The following MAN1A2 variants were observed in gnomAD, a reference collection of about 807,000 sequenced individuals.
The protein encoded by MAN1A2 is mannosidase alpha class 1A member 2, also known as mannosyl-oligosaccharide 1,2-alpha-mannosidase IB.
In MAN1A2, 26 loss-of-function variants were observed where a neutral mutation model predicts 75.7. That is an observed-to-expected ratio of 0.34 (90% confidence interval 0.25 to 0.48). The LOEUF (loss-of-function observed/expected upper bound fraction) is 0.48, where lower values mean the gene tolerates loss of function less well. Among genes scored for constraint, MAN1A2 ranks in the 20% least tolerant of loss-of-function variants. The pLI, the probability that MAN1A2 is intolerant of heterozygous loss-of-function variation, is 0.99. For missense variants in MAN1A2, 562 were observed against 775.5 expected, an observed-to-expected ratio of 0.72 and a Z score of 3.27; for synonymous variants, 247 against 264.6, an observed-to-expected ratio of 0.93 and a Z score of 0.65.
chr1:117,367,513 G>C lies in MAN1A2; in HGVS notation c.-671G>C, dbSNP rs1321093621. On this transcript the variant is annotated 5_prime_UTR_variant, in exon 1 of 13. Coordinates refer to ENST00000356554, the MANE Select transcript of MAN1A2 (RefSeq NM_006699.5). ...CTGGCCGGACTCAGGTGTTTCGGAC[G>C]CTATTGCCCTTCGCGCCAGCCGTCG... 1 of 152,596 alleles carries C rather than the reference G, an allele frequency of 6.6e-6. No homozygotes were observed. Among genetic ancestry groups the C allele is most frequent in the African/African-American group, 2.4e-5 (1 of 41,448 alleles). 9.5% of individuals were successfully genotyped at this position (152,596 alleles called of 1,614,324 possible). A position where few individuals can be genotyped will look rare whatever the true frequency, so the allele number is the denominator to read the frequency against.
Position 117,527,509 on chromosome 1 carries a change from A to G in MAN1A2, c.*4552A>G, listed in dbSNP as rs1326110109. On this transcript the variant is annotated 3_prime_UTR_variant, in exon 13 of 13. Coordinates refer to ENST00000356554, the MANE Select transcript of MAN1A2 (RefSeq NM_006699.5). ...TGTATCTGTATAACCTAAAGCTATA[A>G]TATTTTGTTGTCTTGAAAGCAGATA... 1 of 151,938 alleles carries G rather than the reference A, an allele frequency of 6.6e-6. No individual in the cohort carries two copies. Among genetic ancestry groups the G allele is most frequent in the Non-Finnish European group, 1.5e-5 (1 of 67,912 alleles). 9.4% of individuals were successfully genotyped at this position (151,938 alleles called of 1,614,324 possible). A position where few individuals can be genotyped will look rare whatever the true frequency, so the allele number is the denominator to read the frequency against.
rs555099290 is a variant in MAN1A2, at chr1:117,402,906, A to G, written c.558+465A>G. Among the ~76,000 whole-genome samples the G allele has an allele frequency of 3.3e-5, 5 of 152,274 alleles. No individual in the cohort carries two copies. The East Asian group carries it at 9.6e-4, about 29-fold the overall frequency. ...CTCAACTATACTGTAGATTAAGAAC[A>G]CATTCCTTCCAAAAAGTCTCCATGG... On this transcript the variant is annotated intron_variant, in intron 2 of 12. Coordinates refer to ENST00000356554, the MANE Select transcript of MAN1A2 (RefSeq NM_006699.5).
At chr1:117,456,742 C>A (rs7537915) in intron 6 of MAN1A2, among the ~76,000 whole-genome samples, 4 of 151,836 alleles carry the variant, frequency 2.6e-5, no homozygotes, top group African/African-American at 9.6e-5. Flanking sequence ...ATTCAGAATA[C>A]CTTCCACAAA....
intron 1 of MAN1A2, among the ~76,000 whole-genome samples, chr1:117,399,993 T>TGTGGGGCTGGGATTGGAAGACTCTTGG (rs1647366490): frequency 1.3e-5 from 2 of 152,100 alleles, no homozygotes; most frequent in African/African-American, 4.8e-5. Context: ...GTTGGTAAAA[T>TGTGGGGCTGGGATTGGAAGACTCTTGG]GTGGGGCTGG....
intron 3 of MAN1A2, among the ~76,000 whole-genome samples, chr1:117,406,555 A>T (rs940585893): frequency 6.6e-6 from 1 of 152,150 alleles, no homozygotes; most frequent in Non-Finnish European, 1.5e-5. Flanking sequence ...TTTGATCAAA[A>T]AAGAAAATGT....
At chr1:117,421,568 A>G (rs1648199584) in intron 5 of MAN1A2, among the ~76,000 whole-genome samples, 1 of 151,312 alleles carries the variant, frequency 6.6e-6, no homozygotes, top group African/African-American at 2.4e-5. Flanking sequence ...ACTTTTATCT[A>G]TATATTTCAT....
At chr1:117,487,861 T>A (rs1650761820) in intron 8 of MAN1A2, among the ~76,000 whole-genome samples, 1 of 152,110 alleles carries the variant, frequency 6.6e-6, no homozygotes. Context: ...ATGTGTTAAC[T>A]TTTATGATTT....
At chr1:117,406,451 A>G (rs1226545435) in intron 3 of MAN1A2, among the ~76,000 whole-genome samples, 1 of 152,158 alleles carries the variant, frequency 6.6e-6, no homozygotes, top group East Asian at 1.9e-4. Flanking sequence ...AAACCATCAC[A>G]GTAATTCAAA....
At chr1:117,378,987 G>T (rs973767911) in intron 1 of MAN1A2, among the ~76,000 whole-genome samples, 3 of 151,884 alleles carry the variant, frequency 2.0e-5, no homozygotes, top group Admixed American at 2.0e-4. Context: ...TTTTAATTTT[G>T]ATTATGATGT....
intron 8 of MAN1A2, among the ~76,000 whole-genome samples, chr1:117,468,398 A>G (rs745753783): frequency 1.3e-5 from 2 of 152,140 alleles, no homozygotes; most frequent in East Asian, 1.9e-4. Flanking sequence ...TTTCAGAGCT[A>G]TATATTAAAG....
At chr1:117,402,966 T>G (rs1647490762) in intron 2 of MAN1A2, among the ~76,000 whole-genome samples, 1 of 152,174 alleles carries the variant, frequency 6.6e-6, no homozygotes, top group South Asian at 2.1e-4. Context: ...TTCAAAATTC[T>G]TTAAATTTAT....
At chr1:117,466,277 C>G in intron 7 of MAN1A2, 57 bp from the exon 8 acceptor site, 1 of 1,162,968 alleles carries the variant, frequency 8.6e-7, no homozygotes, top group East Asian at 2.5e-5. Flanking sequence ...TACATTAAAA[C>G]CAAGCCTTGA....
intron 1 of MAN1A2, among the ~76,000 whole-genome samples, chr1:117,400,833 A>AT (rs924491531): frequency 6.6e-5 from 10 of 151,748 alleles, no homozygotes; most frequent in African/African-American, 2.4e-4. Context: ...TTTGTCCTCC[A>AT]TTTTTTTTCA....
intron 12 of MAN1A2, among the ~76,000 whole-genome samples, chr1:117,520,870 A>G (rs1048293514): frequency 2.3e-4 from 35 of 152,100 alleles, no homozygotes; most frequent in Non-Finnish European, 4.9e-4. Flanking sequence ...AGGCAAGACT[A>G]AGCAAAAAGA....
chr1:117,478,751 T>C (rs1459034933), intron 8 of MAN1A2, among the ~76,000 whole-genome samples: 2 of 151,972 alleles, frequency 1.3e-5, no homozygotes, highest in African/African-American at 4.8e-5. Flanking sequence ...TTAGACTCTA[T>C]TCTGTTTGTT....
intron 1 of MAN1A2, among the ~76,000 whole-genome samples, chr1:117,383,750 T>A (rs1768790): frequency 0.77 from 116,585 of 150,570 alleles, 45,261 homozygotes; most frequent in African/African-American, 0.85. Flanking sequence ...TCTTTAAAAA[T>A]TTTTTTTTTT....
intron 5 of MAN1A2, among the ~76,000 whole-genome samples, chr1:117,433,412 C>T (rs949865767): frequency 6.6e-6 from 1 of 152,060 alleles, no homozygotes; most frequent in Non-Finnish European, 1.5e-5. Flanking sequence ...ATAAGGGACA[C>T]CTACGAAAAC....
intron 4 of MAN1A2, 62 bp downstream of exon 4, chr1:117,414,893 G>A: frequency 1.0e-6 from 1 of 987,096 alleles, no homozygotes; most frequent in Non-Finnish European, 1.6e-6. Context: ...ATGTCTAACT[G>A]CTATGGTCTG....
intron 6 of MAN1A2, among the ~76,000 whole-genome samples, chr1:117,450,066 A>G (rs1649356778): frequency 6.6e-6 from 1 of 152,136 alleles, no homozygotes; most frequent in Non-Finnish European, 1.5e-5. Context: ...GAGGTTGGAG[A>G]AGAAGAAGAC....
Sources: allele counts gnomAD v4.1 joint callset (sites outside exome capture counted in the v4.1 genomes callset), GRCh38; gene constraint gnomAD v4.1.1; transcripts MANE v1.5; gene names NCBI Gene and HGNC (gene_info 2026-07-23, HGNC 2026-07-21).